ENOX1: variants seen among roughly 807,000 people sequenced by gnomAD.
ENOX1 encodes the protein candidate growth-related and time keeping constitutive hydroquinone (NADH) oxidase.
In ENOX1, 42 loss-of-function variants were observed where a neutral mutation model predicts 82.5. The observed-to-expected ratio is 0.51, with a 90% CI of 0.40 to 0.66. ENOX1 has a LOEUF of 0.66. Ranked by LOEUF, ENOX1 falls within the 30% of genes least tolerant of loss-of-function variation. The pLI is 0.00. For missense variants in ENOX1, 608 were observed against 811.6 expected (o/e 0.75, Z 3.05); for synonymous variants, 271 against 282.2 (o/e 0.96, Z 0.40).
chr13:43,221,640 A>T (rs1028901051), intron 16 of ENOX1, among the ~76,000 whole-genome samples: 1 of 152,222 alleles, frequency 6.6e-6, no homozygotes, highest in Admixed American at 6.5e-5. Flanking sequence ...ATATGCAAAT[A>T]TGCAAATATC....
At chr13:43,593,389 GAGGGCCCTTCT>G (rs2081324674) in intron 2 of ENOX1, among the ~76,000 whole-genome samples, 1 of 152,080 alleles carries the variant, frequency 6.6e-6, no homozygotes, top group Non-Finnish European at 1.5e-5. Flanking sequence ...GCCACTGCAG[GAGGGCCCTTCT>G]AGGTCTCTGA....
At chr13:43,668,070 A>G (rs190774684) in intron 1 of ENOX1, among the ~76,000 whole-genome samples, 12 of 152,308 alleles carry the variant, frequency 7.9e-5, no homozygotes, top group African/African-American at 2.9e-4. Context: ...TTGTTCTGCA[A>G]ACTATAAAGT....
chr13:43,758,635 G>A (rs532844635), intron 1 of ENOX1, among the ~76,000 whole-genome samples: 3 of 152,292 alleles, frequency 2.0e-5, no homozygotes, highest in South Asian at 4.1e-4. Flanking sequence ...GAATCTCTTT[G>A]CATTATTTCT....
At chr13:43,257,863 A>G (rs1335643041) in intron 14 of ENOX1, among the ~76,000 whole-genome samples, 1 of 152,206 alleles carries the variant, frequency 6.6e-6, no homozygotes, top group Non-Finnish European at 1.5e-5. Context: ...CTATACAGGT[A>G]TCCATGTCCA....
chr13:43,213,930 T>C lies in ENOX1; in HGVS notation c.*60A>G. 1 of 1,566,520 alleles carries C rather than the reference T, an allele frequency of 6.4e-7. No homozygotes were observed. The highest frequency in any genetic ancestry group is 8.7e-7 in the Non-Finnish European group (1 of 1,153,234). On this transcript the variant is annotated 3_prime_UTR_variant, in exon 17 of 17. Coordinates refer to ENST00000690772, the MANE Select transcript of ENOX1 (RefSeq NM_001347969.2). ...CAACCCCACACCTCCTGCTTCCCCG[T>C]CGCACCGCCCTGGCCAGGTTCACAT...
At chr13:43,771,962 T>G (rs1443881910) in intron 1 of ENOX1, among the ~76,000 whole-genome samples, 1 of 148,676 alleles carries the variant, frequency 6.7e-6, no homozygotes, top group Non-Finnish European at 1.5e-5. Context: ...TTTTTTGTAT[T>G]TTTAGTAGAG....
chr13:43,304,101 C>T (rs2046732631), intron 11 of ENOX1, among the ~76,000 whole-genome samples: 1 of 152,118 alleles, frequency 6.6e-6, no homozygotes, highest in Admixed American at 6.5e-5. Flanking sequence ...ATCCCTGTGC[C>T]CAGGTCCCAT....
At chr13:43,563,536 A>G (rs1303029849) in intron 2 of ENOX1, among the ~76,000 whole-genome samples, 1 of 152,166 alleles carries the variant, frequency 6.6e-6, no homozygotes, top group African/African-American at 2.4e-5. Flanking sequence ...AGACCAGAGC[A>G]GAAGTAAATG....
chr13:43,731,965 GAGTT>G (rs761394332), intron 1 of ENOX1, among the ~76,000 whole-genome samples: 1 of 152,160 alleles, frequency 6.6e-6, no homozygotes, highest in East Asian at 1.9e-4. Flanking sequence ...TCACAGGTGA[GAGTT>G]AATTAACATT....
At chr13:43,552,655 T>C (rs971301805) in intron 2 of ENOX1, among the ~76,000 whole-genome samples, 10 of 152,166 alleles carry the variant, frequency 6.6e-5, no homozygotes, top group African/African-American at 2.2e-4. Flanking sequence ...GTATACACAG[T>C]AGGACCAAAA....
intron 2 of ENOX1, among the ~76,000 whole-genome samples, chr13:43,541,271 G>A (rs1485142266): frequency 1.4e-5 from 2 of 145,050 alleles, no homozygotes; most frequent in Non-Finnish European, 3.0e-5. Context: ...GGCCAGGGCA[G>A]GGGGATTGGT....
intron 12 of ENOX1, among the ~76,000 whole-genome samples, chr13:43,288,205 C>T (rs2045810302): frequency 6.6e-6 from 1 of 152,172 alleles, no homozygotes; most frequent in African/African-American, 2.4e-5. Context: ...CTCTTGTGAA[C>T]CTTGATGTTT....
chr13:43,331,356 C>T (rs2048399761), intron 9 of ENOX1, among the ~76,000 whole-genome samples: 1 of 152,172 alleles, frequency 6.6e-6, no homozygotes, highest in Non-Finnish European at 1.5e-5. Flanking sequence ...TCCCAAATAT[C>T]TGGAGAAACT....
chr13:43,452,766 G>A lies in ENOX1; in HGVS notation c.-75+31243C>T, dbSNP rs114162946. Among the ~76,000 whole-genome samples the A allele has an allele frequency of 9.7e-3, 1,479 of 152,114 alleles. 19 individuals are homozygous for A. The highest frequency in any genetic ancestry group is 0.034 in the African/African-American group (1,397 of 41,500). On this transcript the variant is annotated intron_variant, in intron 3 of 16. Transcript: ENST00000690772. ...TCAAACTCCTGACCTCAAGTGATCC[G>A]CCTGCCTAATTCTCCCAAAGTGCTG... is the stretch of plus-strand genomic sequence containing the variant.
chr13:43,718,860 G>A (rs924035941), intron 1 of ENOX1, among the ~76,000 whole-genome samples: 1 of 151,844 alleles, frequency 6.6e-6, no homozygotes, highest in Admixed American at 6.6e-5. Context: ...CTTCATAAAG[G>A]TTTTACACAT....
intron 5 of ENOX1, among the ~76,000 whole-genome samples, chr13:43,364,360 A>C (rs2050711350): frequency 6.6e-6 from 1 of 152,178 alleles, no homozygotes; most frequent in African/African-American, 2.4e-5. Flanking sequence ...GCAAGAAAGA[A>C]TCCAATTACG....
intron 1 of ENOX1, among the ~76,000 whole-genome samples, chr13:43,675,393 G>A (rs1262751144): frequency 6.6e-6 from 1 of 152,160 alleles, no homozygotes; most frequent in African/African-American, 2.4e-5. Context: ...CATGTGCCAT[G>A]GTACAGATCT....
intron 2 of ENOX1, among the ~76,000 whole-genome samples, chr13:43,519,667 C>T (rs1248472577): frequency 6.6e-6 from 1 of 152,096 alleles, no homozygotes; most frequent in African/African-American, 2.4e-5. Flanking sequence ...GACCCCAGAC[C>T]CCAGGAGTAG....
At chr13:43,502,743 A>G (rs1167530429) in intron 2 of ENOX1, among the ~76,000 whole-genome samples, 1 of 151,634 alleles carries the variant, frequency 6.6e-6, no homozygotes, top group African/African-American at 2.4e-5. Flanking sequence ...GCCCATATGT[A>G]TCATCACACT....
Sources: allele counts gnomAD v4.1 joint callset (sites outside exome capture counted in the v4.1 genomes callset), GRCh38; gene constraint gnomAD v4.1.1; transcripts MANE v1.5; gene names NCBI Gene and HGNC (gene_info 2026-07-23, HGNC 2026-07-21).